The following IL1RAPL2 variants were observed in gnomAD, a reference collection of about 807,000 sequenced individuals.
IL1RAPL2 encodes interleukin 1 receptor accessory protein like 2.
In IL1RAPL2, 3 loss-of-function variants were observed where a neutral mutation model predicts 44.1. The ratio of observed to expected loss-of-function variants is 0.07; its 90% confidence interval spans 0.03 to 0.18. The LOEUF (loss-of-function observed/expected upper bound fraction) is 0.18. IL1RAPL2 is among the 10% of genes least tolerant of loss of function. The pLI is 1.00. For missense variants in IL1RAPL2, 391 were observed against 496.4 expected (o/e 0.79, Z 2.02); for synonymous variants, 181 against 178.8 (o/e 1.01, Z -0.10).
chrX:104,826,755 G>T (rs948534267), intron 2 of IL1RAPL2, among the ~76,000 whole-genome samples: 1 of 110,089 alleles, frequency 9.1e-6, no homozygotes, highest in African/African-American at 3.3e-5. Context: ...AAGTCTCTTT[G>T]TAGGTCTTGA....
intron 2 of IL1RAPL2, among the ~76,000 whole-genome samples, chrX:104,807,633 A>G (rs1027188409): frequency 9.0e-6 from 1 of 111,677 alleles, no homozygotes; most frequent in Non-Finnish European, 1.9e-5. Context: ...CCAGACGATC[A>G]CGGTTAACTC....
intron 2 of IL1RAPL2, among the ~76,000 whole-genome samples, chrX:104,672,240 T>C: frequency 9.0e-6 from 1 of 111,415 alleles, no homozygotes; most frequent in Non-Finnish European, 1.9e-5. Flanking sequence ...TAACTCCCAA[T>C]GCTATCCCTC....
At chrX:105,142,670 C>T (rs370326046) in intron 2 of IL1RAPL2, among the ~76,000 whole-genome samples, 12 of 108,693 alleles carry the variant, frequency 1.1e-4, no homozygotes, top group South Asian at 4.1e-4. Flanking sequence ...GGTACATGCA[C>T]GTAACATGCA....
rs562218051 is a variant in IL1RAPL2, at chrX:105,158,687, C to T, written c.83-36788C>T. Reference sequence around the variant, plus strand: ...ACTATTGCAATAGTCTGTGTGATGGCTTGTTTTGGGCCACATAATAAAATA... The same window carrying T: ...ACTATTGCAATAGTCTGTGTGATGGTTTGTTTTGGGCCACATAATAAAATA... On this transcript the variant is annotated intron_variant, in intron 2 of 10. Transcript: ENST00000372582. Among the ~76,000 whole-genome samples, 21 of 111,921 alleles carry T rather than the reference C, an allele frequency of 1.9e-4. No individual in the cohort carries two copies. In the South Asian group the frequency reaches 7.5e-3, roughly 40 times the overall value.
chrX:105,473,139 AC>A (rs2036176149), intron 5 of IL1RAPL2, among the ~76,000 whole-genome samples: 2 of 111,869 alleles, frequency 1.8e-5, no homozygotes, highest in African/African-American at 6.5e-5. Context: ...ATTAGGATTT[AC>A]ATTTTGGTTC....
chrX:105,257,715 G>A (rs759992195), intron 4 of IL1RAPL2, among the ~76,000 whole-genome samples: 20 of 112,013 alleles, frequency 1.8e-4, no homozygotes, highest in Non-Finnish European at 3.0e-4. Flanking sequence ...ATCTTTGTTG[G>A]TTTGAAATCT....
intron 2 of IL1RAPL2, among the ~76,000 whole-genome samples, chrX:104,907,783 A>G (rs1229115213): frequency 9.0e-6 from 1 of 110,565 alleles, no homozygotes; most frequent in East Asian, 2.8e-4. Context: ...TATTCTGTTG[A>G]TTTGGGGTGG....
At chrX:104,772,461 G>C (rs989981460) in intron 2 of IL1RAPL2, among the ~76,000 whole-genome samples, 1 of 111,745 alleles carries the variant, frequency 8.9e-6, no homozygotes, top group Non-Finnish European at 1.9e-5. Context: ...AATTTATTTG[G>C]CTCAGACCTA....
rs2036865202 is a variant in IL1RAPL2 at position 105,552,508 on chromosome X, G to T, written c.772+68121G>T. On this transcript the variant is annotated intron_variant, in intron 6 of 10. Coordinates refer to ENST00000372582, the MANE Select transcript of IL1RAPL2 (RefSeq NM_017416.2). ...CACTCTTGAGTCTCCCTTAAACTTAGGTGTGGCCATATGACTAATTTTTGG... is the reference window on the plus strand; with the variant it reads ...CACTCTTGAGTCTCCCTTAAACTTATGTGTGGCCATATGACTAATTTTTGG... Among the ~76,000 whole-genome samples the T allele has an allele frequency of 2.7e-5, 3 of 111,863 alleles. No homozygotes were observed. In the South Asian group the frequency reaches 1.1e-3, roughly 41 times the overall value.
At chrX:105,561,325 G>T (rs1192567351) in intron 6 of IL1RAPL2, among the ~76,000 whole-genome samples, 1 of 111,602 alleles carries the variant, frequency 9.0e-6, no homozygotes, top group Admixed American at 9.6e-5. Flanking sequence ...TGGGAGCTAG[G>T]TCTAAAGTAA....
chrX:105,345,329 C>A (rs181237662), intron 5 of IL1RAPL2, among the ~76,000 whole-genome samples: 1 of 111,484 alleles, frequency 9.0e-6, no homozygotes, highest in East Asian at 2.8e-4. Flanking sequence ...TGTGGGATCA[C>A]CAGAGAAATT....
Position 104,681,381 on chromosome X carries a change from G to A in IL1RAPL2, c.82+22386G>A, listed in dbSNP as rs763224249. Among the ~76,000 whole-genome samples the A allele has an allele frequency of 4.5e-5, 5 of 112,219 alleles. No individual in the cohort carries two copies. In the East Asian group the frequency reaches 1.1e-3, roughly 25 times the overall value. On this transcript the variant is annotated intron_variant, in intron 2 of 10. Transcript: ENST00000372582. Reference sequence around the variant, plus strand: ...TTCCCCTGAGGGTCAATAGGTAAATGTGTTATTACTCTTTGGTGACCTTGG... The same window carrying A: ...TTCCCCTGAGGGTCAATAGGTAAATATGTTATTACTCTTTGGTGACCTTGG...
At chrX:104,674,788 C>G (rs747845834) in intron 2 of IL1RAPL2, among the ~76,000 whole-genome samples, 1 of 111,010 alleles carries the variant, frequency 9.0e-6, no homozygotes, top group East Asian at 2.8e-4. Context: ...TGTTATTGGT[C>G]TATTCAGAGA....
At chrX:105,322,211 A>T (rs1189336048) in intron 5 of IL1RAPL2, among the ~76,000 whole-genome samples, 1 of 112,748 alleles carries the variant, frequency 8.9e-6, no homozygotes, top group African/African-American at 3.2e-5. Context: ...TAAAAGCCAC[A>T]TCTGCTATAC....
chrX:104,729,649 C>A (rs1265203698), intron 2 of IL1RAPL2, among the ~76,000 whole-genome samples: 3 of 108,212 alleles, frequency 2.8e-5, no homozygotes, highest in Non-Finnish European at 5.7e-5. Flanking sequence ...TTTATCTTAT[C>A]CCTCCTCACA....
intron 5 of IL1RAPL2, among the ~76,000 whole-genome samples, chrX:105,368,067 A>C (rs924166697): frequency 9.1e-6 from 1 of 110,333 alleles, no homozygotes; most frequent in Non-Finnish European, 1.9e-5. Flanking sequence ...TTGATCCCTA[A>C]TGTGTTGGTG....
chrX:105,288,812 G>A (rs1394509969), intron 5 of IL1RAPL2, among the ~76,000 whole-genome samples: 2 of 110,549 alleles, frequency 1.8e-5, no homozygotes, highest in Non-Finnish European at 3.8e-5. Context: ...GAATATTGTC[G>A]TGAGCACATA....
intron 2 of IL1RAPL2, among the ~76,000 whole-genome samples, chrX:104,745,091 C>G (rs1240229598): frequency 3.6e-5 from 4 of 110,500 alleles, no homozygotes; most frequent in Non-Finnish European, 7.6e-5. Flanking sequence ...TTTACCAAAG[C>G]TGGTGTACTT....
At chrX:104,991,352 A>G (rs2030659328) in intron 2 of IL1RAPL2, among the ~76,000 whole-genome samples, 1 of 111,830 alleles carries the variant, frequency 8.9e-6, no homozygotes, top group African/African-American at 3.3e-5. Context: ...AATTCAGAGG[A>G]GAAGTTTACA....
Sources: gnomAD v4.1 joint callset for allele counts (sites outside exome capture counted in the v4.1 genomes callset) on GRCh38, gnomAD v4.1.1 for gene constraint, MANE v1.5 for transcripts, NCBI Gene and HGNC (gene_info 2026-07-23, HGNC 2026-07-21) for gene names.